SNCAIP: variants seen among roughly 807,000 people sequenced by gnomAD.
The protein encoded by SNCAIP is synuclein alpha interacting protein.
In SNCAIP, 43 loss-of-function variants were observed where a neutral mutation model predicts 86.7. That is an observed-to-expected ratio of 0.50 (90% CI 0.39 to 0.64). The LOEUF (loss-of-function observed/expected upper bound fraction) is 0.64. SNCAIP is among the 30% of genes least tolerant of loss of function. The pLI, the probability that SNCAIP is intolerant of heterozygous loss-of-function variation, is 0.00. For synonymous variants in SNCAIP, 417 were observed against 427.2 expected, an observed-to-expected ratio of 0.98 and a Z score of 0.29; for missense variants, 981 against 1,103.1, an observed-to-expected ratio of 0.89 and a Z score of 1.57.
chr5:122,382,623 G>A lies in SNCAIP; in HGVS notation c.-46-8466G>A, dbSNP rs1379073881. On this transcript the variant is annotated intron_variant, in intron 1 of 10. Coordinates refer to ENST00000261368, the MANE Select transcript of SNCAIP (RefSeq NM_005460.4). Reference sequence around the variant, plus strand: ...CTTTGGAGGAGGAGAGGCGCTCTGCGTTTTAGAGTTTCCAGTTTTTCTGTT... The same window carrying A: ...CTTTGGAGGAGGAGAGGCGCTCTGCATTTTAGAGTTTCCAGTTTTTCTGTT... 8.5e-4 allele frequency among the ~76,000 whole-genome samples: 129 copies of A among 152,036 alleles called. 1 individual carries two copies. The highest frequency in any genetic ancestry group is 3.4e-4 in the Non-Finnish European group (23 of 67,980).
intron 3 of SNCAIP, among the ~76,000 whole-genome samples, chr5:122,416,855 G>T (rs1057052261): frequency 6.6e-6 from 1 of 152,154 alleles, no homozygotes; most frequent in South Asian, 2.1e-4. Context: ...AACTTCAAAA[G>T]TATGTCCTTG....
intron 5 of SNCAIP, among the ~76,000 whole-genome samples, chr5:122,431,134 A>G (rs1366590323): frequency 6.6e-6 from 1 of 152,142 alleles, no homozygotes; most frequent in Non-Finnish European, 1.5e-5. Context: ...TTTTGGAACA[A>G]TTAGAATGCT....
intron 9 of SNCAIP, 36 bp from the exon 10 acceptor site, chr5:122,450,497 G>A: frequency 6.8e-7 from 1 of 1,467,912 alleles, no homozygotes; most frequent in Non-Finnish European, 9.6e-7. Context: ...CAACCCAGTA[G>A]GAAATCATCT....
intron 1 of SNCAIP, among the ~76,000 whole-genome samples, chr5:122,365,685 A>C (rs1228733208): frequency 6.6e-6 from 1 of 152,184 alleles, no homozygotes; most frequent in Non-Finnish European, 1.5e-5. Flanking sequence ...TCTCCATAAA[A>C]AAAAAGAAAA....
At chr5:122,417,648 CCCTCCTT>C (rs572369908) in intron 3 of SNCAIP, among the ~76,000 whole-genome samples, 12 of 152,134 alleles carry the variant, frequency 7.9e-5, no homozygotes, top group Middle Eastern at 3.4e-3. Flanking sequence ...CATCTTCCTT[CCCTCCTT>C]CCTCCTTCCT....
At chr5:122,440,794 A>T in intron 7 of SNCAIP, 40 bp downstream of exon 7, 1 of 1,581,514 alleles carries the variant, frequency 6.3e-7, no homozygotes, top group Non-Finnish European at 8.7e-7. Flanking sequence ...AAATGAGTAT[A>T]TCAAATATTA....
intron 1 of SNCAIP, among the ~76,000 whole-genome samples, chr5:122,331,894 T>C (rs914338585): frequency 6.6e-6 from 1 of 152,258 alleles, no homozygotes; most frequent in Non-Finnish European, 1.5e-5. Flanking sequence ...TGCTTACTGA[T>C]ATATTCATCA....
chr5:122,405,793 A>G (rs1464372613), intron 3 of SNCAIP, among the ~76,000 whole-genome samples: 1 of 152,222 alleles, frequency 6.6e-6, no homozygotes, highest in African/African-American at 2.4e-5. Flanking sequence ...AGAAACTTTT[A>G]GTTTTTCCCA....
intron 10 of SNCAIP, among the ~76,000 whole-genome samples, chr5:122,461,030 A>G (rs1323175672): frequency 1.3e-5 from 2 of 152,276 alleles, no homozygotes; most frequent in African/African-American, 4.8e-5. Context: ...TGCTTCAGTC[A>G]TATATCTTCC....
intron 1 of SNCAIP, among the ~76,000 whole-genome samples, chr5:122,382,037 GA>G (rs1344667950): frequency 6.6e-6 from 1 of 151,992 alleles, no homozygotes; most frequent in Non-Finnish European, 1.5e-5. Flanking sequence ...TGCTCTTCTC[GA>G]GGATTATCTT....
chr5:122,383,795 A>G (rs1029375785), intron 1 of SNCAIP, among the ~76,000 whole-genome samples: 4 of 152,230 alleles, frequency 2.6e-5, no homozygotes. Context: ...CCTGATCTCC[A>G]GAATCAAGTT....
chr5:122,448,131 A>G (rs1782727547), intron 8 of SNCAIP, among the ~76,000 whole-genome samples: 1 of 152,250 alleles, frequency 6.6e-6, no homozygotes, highest in African/African-American at 2.4e-5. Context: ...ATATGCAGTG[A>G]CACTCAGCAA....
At chr5:122,412,851 G>A (rs577268178) in intron 3 of SNCAIP, among the ~76,000 whole-genome samples, 2 of 152,334 alleles carry the variant, frequency 1.3e-5, no homozygotes, top group East Asian at 3.9e-4. Flanking sequence ...ATCAGGCGCT[G>A]AAGCCAGATT....
intron 1 of SNCAIP, among the ~76,000 whole-genome samples, chr5:122,363,251 C>T (rs923255316): frequency 1.3e-5 from 2 of 152,170 alleles, no homozygotes; most frequent in South Asian, 2.1e-4. Flanking sequence ...CTGCCTCGGT[C>T]TCCCAAAGTG....
At chr5:122,359,015 T>G (rs1761670184) in intron 1 of SNCAIP, among the ~76,000 whole-genome samples, 1 of 147,836 alleles carries the variant, frequency 6.8e-6, no homozygotes, top group Admixed American at 7.0e-5. Flanking sequence ...GTTTCTTAAA[T>G]CTAATGTTTT....
chr5:122,371,793 G>T (rs1764320256), intron 1 of SNCAIP: 1 of 152,180 alleles, frequency 6.6e-6, no homozygotes, highest in Non-Finnish European at 1.5e-5. Context: ...AAGTGAGAGT[G>T]ATATTAAAGA....
At chr5:122,333,566 C>T (rs1029934753) in intron 1 of SNCAIP, among the ~76,000 whole-genome samples, 1 of 152,202 alleles carries the variant, frequency 6.6e-6, no homozygotes. Context: ...AATGAAGGCA[C>T]TTTGTTGGCG....
intron 2 of SNCAIP, chr5:122,401,103 G>C: frequency 6.5e-7 from 1 of 1,549,908 alleles, no homozygotes; most frequent in Non-Finnish European, 8.7e-7. Context: ...TGCCCTGGGA[G>C]CTTGCCATTG....
At chr5:122,351,560 A>AAAAAAAAAAAAAAAAAAAAAAC (rs1759832810) in intron 1 of SNCAIP, among the ~76,000 whole-genome samples, 1 of 147,892 alleles carries the variant, frequency 6.8e-6, no homozygotes, top group African/African-American at 2.5e-5. Flanking sequence ...AAAAAAAAAA[A>AAAAAAAAAAAAAAAAAAAAAAC]AAAAAAGAAC....
Sources: gnomAD v4.1 joint callset for allele counts (sites outside exome capture counted in the v4.1 genomes callset) on GRCh38, gnomAD v4.1.1 for gene constraint, MANE v1.5 for transcripts, NCBI Gene and HGNC (gene_info 2026-07-23, HGNC 2026-07-21) for gene names.